Variants in KHDRBS1 observed in about 807,000 individuals in gnomAD.
KHDRBS1 encodes KH domain-containing, RNA-binding, signal transduction-associated protein 1.
Under a neutral mutation model 48.4 loss-of-function variants are expected in KHDRBS1, and 7 were observed. The ratio of observed to expected loss-of-function variants is 0.14; its 90% CI spans 0.08 to 0.27. KHDRBS1 has a LOEUF of 0.27. KHDRBS1 is among the 10% of genes least tolerant of loss of function. The pLI, the probability that KHDRBS1 is intolerant of heterozygous loss-of-function variation, is 1.00. For synonymous variants in KHDRBS1, 241 were observed against 235.8 expected, an observed-to-expected ratio of 1.02 and a Z score of -0.20; for missense variants, 458 against 601.2, an observed-to-expected ratio of 0.76 and a Z score of 2.49.
In KHDRBS1 at chr1:32,030,368, T is replaced by C; in HGVS notation, c.453T>C (p.His151=). 1.2e-6 allele frequency: 2 copies of C among 1,612,896 alleles called. No individual in the cohort carries two copies. Among genetic ancestry groups the C allele is most frequent in the African/African-American group, 1.3e-5 (1 of 74,968 alleles). ...DEENYLDLFS[H]KNMKLKERVL... Reference sequence around the variant, plus strand: ...AGAATTACTTGGATTTATTTTCTCATAAGAACATGAAACTGAAAGAGCGAG... The same window carrying C: ...AGAATTACTTGGATTTATTTTCTCACAAGAACATGAAACTGAAAGAGCGAG... Residue 151 remains histidine, a synonymous_variant, in exon 2 of 9, where the codon CAT becomes CAC. Transcript: ENST00000327300.
intron 4 of KHDRBS1, among the ~76,000 whole-genome samples, chr1:32,036,257 C>T (rs776828282): frequency 1.3e-5 from 2 of 149,836 alleles, no homozygotes; most frequent in South Asian, 4.2e-4. Context: ...CTGCAAGCTC[C>T]GCCTCCCGGG....
Position 32,036,977 on chromosome 1 carries a change from C to T in KHDRBS1, c.839C>T (p.Pro280Leu), listed in dbSNP as rs1639195992. ...TCCTACTTGAATGGAGTACCTGAAC[C>T]CTCTCGTGGACGTGGGGTGCCAGTG... ...ELSYLNGVPE[P>L]SRGRGVPVRG... is the part of the protein sequence containing the mutation. The change falls in exon 5 of 9, where the codon CCC (proline) becomes CTC (leucine). Residue 280 changes from proline to leucine, a missense_variant. Physicochemically the swap from Pro to Leu is moderately conservative, Grantham distance 98. Around this residue, in one of 3 missense-constraint regions of KHDRBS1, gnomAD observed 171 missense variants for 228.7 expected, o/e 0.75. Coordinates refer to ENST00000327300, the MANE Select transcript of KHDRBS1 (RefSeq NM_006559.3). 2 of 1,614,044 alleles carry T rather than the reference C, an allele frequency of 1.2e-6. No individual in the cohort carries two copies. Among genetic ancestry groups the T allele is most frequent in the Non-Finnish European group, 1.7e-6 (2 of 1,179,986 alleles).
chr1:32,057,397 A>G (rs1639491253), intron 10 of KHDRBS1, among the ~76,000 whole-genome samples: 6 of 151,882 alleles, frequency 4.0e-5, no homozygotes. Context: ...TCCAACTCCT[A>G]GGCAAAATTG....
intron 10 of KHDRBS1, among the ~76,000 whole-genome samples, chr1:32,058,020 A>G (rs952632556): frequency 3.3e-5 from 5 of 151,780 alleles, no homozygotes; most frequent in African/African-American, 1.2e-4. Context: ...TAGGAGGCTG[A>G]GGCAGGAAGA....
intron 8 of KHDRBS1, among the ~76,000 whole-genome samples, chr1:32,041,406 T>G (rs1031759516): frequency 4.6e-5 from 7 of 152,066 alleles, no homozygotes; most frequent in Admixed American, 3.9e-4. Context: ...GTGTAAGGTG[T>G]GGGAAGAATA....
At chr1:32,057,954 C>CAA (rs201327348) in intron 10 of KHDRBS1, among the ~76,000 whole-genome samples, 11 of 146,478 alleles carry the variant, frequency 7.5e-5, no homozygotes, top group African/African-American at 2.5e-4. Flanking sequence ...CCACCTGTAC[C>CAA]AAAAAAACAA....
At chr1:32,031,672 C>T in intron 3 of KHDRBS1, 32 bp downstream of exon 3, 1 of 1,376,080 alleles carries the variant, frequency 7.3e-7, no homozygotes, top group Non-Finnish European at 1.0e-6. Flanking sequence ...AAGAGGACAT[C>T]CTAATGCCTT....
At chr1:32,017,033 G>A (rs1001821103) in intron 1 of KHDRBS1, among the ~76,000 whole-genome samples, 1 of 152,164 alleles carries the variant, frequency 6.6e-6, no homozygotes, top group African/African-American at 2.4e-5. Context: ...TGAGGCAGAC[G>A]GATCACTTGA....
chr1:32,041,316 G>A (rs1261261684), intron 8 of KHDRBS1, among the ~76,000 whole-genome samples: 2 of 152,204 alleles, frequency 1.3e-5, no homozygotes, highest in Non-Finnish European at 2.9e-5. Context: ...ATCTGTATAG[G>A]AGTTTGAGGC....
chr1:32,052,139 A>T (rs1639429219), intron 10 of KHDRBS1, among the ~76,000 whole-genome samples: 1 of 152,218 alleles, frequency 6.6e-6, no homozygotes, highest in African/African-American at 2.4e-5. Context: ...TTTATAGATT[A>T]GGCAACTGAT....
At chr1:32,051,129 C>T (rs1425692046) in intron 10 of KHDRBS1, among the ~76,000 whole-genome samples, 1 of 152,130 alleles carries the variant, frequency 6.6e-6, no homozygotes, top group Admixed American at 6.5e-5. Context: ...AACTCCTGAC[C>T]TCAGGTGATC....
rs1183021141 is a variant in KHDRBS1, at chr1:32,057,809, A to G, written n.1302-2354A>G. Among the ~76,000 whole-genome samples the G allele has an allele frequency of 8.2e-5, 12 of 146,542 alleles. 1 individual carries two copies. Among genetic ancestry groups the G allele is most frequent in the South Asian group, 4.3e-4 (2 of 4,622 alleles). ...GCGAGACTCCATCTCAAAAAAAAAA[A>G]AGAGAGAGAGAGATGGGGTCTCAGG... is the stretch of plus-strand genomic sequence containing the variant. On this transcript the variant is annotated intron_variant and non_coding_transcript_variant, in intron 10 of 10. Transcript: ENST00000484270.
intron 10 of KHDRBS1, among the ~76,000 whole-genome samples, chr1:32,051,987 T>C (rs1557901061): frequency 2.0e-5 from 3 of 152,244 alleles, no homozygotes; most frequent in Non-Finnish European, 4.4e-5. Context: ...TTCATTTTTT[T>C]CCCTCATTTT....
At chr1:32,019,339 C>G (rs1638808135) in intron 1 of KHDRBS1, among the ~76,000 whole-genome samples, 2 of 151,960 alleles carry the variant, frequency 1.3e-5, no homozygotes, top group African/African-American at 4.8e-5. Flanking sequence ...TAACTGAGGT[C>G]AGGAGTTTAA....
chr1:32,019,475 G>T (rs577087757), intron 1 of KHDRBS1, among the ~76,000 whole-genome samples: 1 of 152,014 alleles, frequency 6.6e-6, no homozygotes, highest in Non-Finnish European at 1.5e-5. Flanking sequence ...GCTGAAACCC[G>T]GGAGACAGAG....
intron 8 of KHDRBS1, among the ~76,000 whole-genome samples, chr1:32,041,425 G>A (rs1378239284): frequency 6.6e-6 from 1 of 151,932 alleles, no homozygotes; most frequent in Non-Finnish European, 1.5e-5. Flanking sequence ...TAAATTTAAC[G>A]CAATTTATTT....
At chr1:32,041,845 C>T (rs1262989468) in intron 8 of KHDRBS1, among the ~76,000 whole-genome samples, 1 of 152,126 alleles carries the variant, frequency 6.6e-6, no homozygotes, top group African/African-American at 2.4e-5. Context: ...GCCTTGGCCT[C>T]CCAAAGTGCT....
intron 4 of KHDRBS1, among the ~76,000 whole-genome samples, chr1:32,035,692 G>C (rs1048043768): frequency 2.0e-5 from 3 of 152,210 alleles, no homozygotes; most frequent in African/African-American, 7.2e-5. Context: ...TCACTTTTCT[G>C]AGCTTCAGGT....
chr1:32,045,703 T>C (rs1410952186), downstream of KHDRBS1, among the ~76,000 whole-genome samples: 1 of 152,140 alleles, frequency 6.6e-6, no homozygotes, highest in African/African-American at 2.4e-5. Flanking sequence ...TGAAAAAGAC[T>C]TTATTAGAAA....
Sources: allele counts gnomAD v4.1 joint callset (sites outside exome capture counted in the v4.1 genomes callset), GRCh38; gene constraint gnomAD v4.1.1; regional missense constraint gnomAD v4.1.1; transcripts MANE v1.5; gene names NCBI Gene and HGNC (gene_info 2026-07-23, HGNC 2026-07-21).